Variants in EGFLAM observed in about 807,000 individuals in gnomAD.
The protein encoded by EGFLAM is EGF like, fibronectin type III and laminin G domains.
EGFLAM carries 79 observed loss-of-function variants against 113.1 expected under a neutral mutation model. That is an observed-to-expected ratio of 0.70 (90% CI 0.58 to 0.84). The LOEUF (loss-of-function observed/expected upper bound fraction) is 0.84. EGFLAM is among the 40% of genes least tolerant of loss of function. The probability of loss-of-function intolerance (pLI) is 0.00; values close to 1 mark genes in which losing one functional copy is unlikely to be tolerated. For missense variants in EGFLAM, 1,265 were observed against 1,291.6 expected, an observed-to-expected ratio of 0.98 and a Z score of 0.32; for synonymous variants, 504 against 487.6, an observed-to-expected ratio of 1.03 and a Z score of -0.44.
intron 1 of EGFLAM, among the ~76,000 whole-genome samples, chr5:38,287,898 C>T (rs1310611547): frequency 1.3e-5 from 2 of 152,148 alleles, no homozygotes; most frequent in Admixed American, 6.5e-5. Flanking sequence ...ATTTAATTAC[C>T]ATATGCCAGG....
chr5:38,326,669 T>A (rs2367217), intron 1 of EGFLAM, among the ~76,000 whole-genome samples: 6,580 of 151,322 alleles, frequency 0.043, 527 homozygotes, highest in African/African-American at 0.15. Flanking sequence ...TTTTTTGTAT[T>A]TTTTAGTAGA....
chr5:38,261,043 T>G (rs551131271), intron 1 of EGFLAM, among the ~76,000 whole-genome samples: 1 of 152,306 alleles, frequency 6.6e-6, no homozygotes, highest in South Asian at 2.1e-4. Context: ...CGGTTCTGTC[T>G]TATTTGGATG....
chr5:38,329,021 C>T (rs1038146526), intron 1 of EGFLAM, among the ~76,000 whole-genome samples: 1 of 152,008 alleles, frequency 6.6e-6, no homozygotes, highest in African/African-American at 2.4e-5. Flanking sequence ...GGCACAGTGG[C>T]TCATGCCGTA....
At chr5:38,384,294 A>C (rs1231484445) in intron 6 of EGFLAM, among the ~76,000 whole-genome samples, 1 of 152,202 alleles carries the variant, frequency 6.6e-6, no homozygotes, top group Non-Finnish European at 1.5e-5. Flanking sequence ...CCACCAGATT[A>C]TGTGACTCTC....
intron 11 of EGFLAM, among the ~76,000 whole-genome samples, chr5:38,417,797 G>A (rs1420865286): frequency 6.6e-6 from 1 of 152,124 alleles, no homozygotes; most frequent in Admixed American, 6.5e-5. Flanking sequence ...GGTGGGTGAG[G>A]CGTGTCTCTG....
At chr5:38,417,077 G>T (rs1741665258) in intron 11 of EGFLAM, among the ~76,000 whole-genome samples, 1 of 152,060 alleles carries the variant, frequency 6.6e-6, no homozygotes, top group Non-Finnish European at 1.5e-5. Context: ...GACCAGGCCG[G>T]GCGTGGTAGC....
Position 38,428,504 on chromosome 5 carries a change from T to C in EGFLAM, c.2054+1252T>C, listed in dbSNP as rs116614081. Among the ~76,000 whole-genome samples, 279 of 152,360 alleles carry C rather than the reference T, an allele frequency of 1.8e-3. 2 individuals carry two copies. Among genetic ancestry groups the C allele is most frequent in the Non-Finnish European group, 3.3e-3 (225 of 68,032 alleles). On this transcript the variant is annotated intron_variant, in intron 14 of 21. Transcript: ENST00000322350. ...GGATTTAATTGATTCAATTTACATA[T>C]GATTATGCAAAATAGCCTAAGCAAT...
At chr5:38,379,395 A>C (rs1402889095) in intron 6 of EGFLAM, among the ~76,000 whole-genome samples, 1 of 151,970 alleles carries the variant, frequency 6.6e-6, no homozygotes, top group Admixed American at 6.6e-5. Flanking sequence ...CACAGGAGAG[A>C]GTAAATGATG....
In EGFLAM at chr5:38,350,600, G is replaced by A. The variant is rs1301226044; in HGVS notation, c.391G>A (p.Val131Ile). The A allele has an allele frequency of 3.7e-6, 6 of 1,613,876 alleles. No individual in the cohort carries two copies. The African/African-American group carries it at 8.0e-5, about 22-fold the overall frequency. ...GKGRLSSPRH[V>I]TTLSQDSCLP... ...AGGGCGGCTGAGCTCTCCTCGGCAT[G>A]TCACCACTTTGTCCCAAGGTAAAGT... Residue 131 changes from valine (V) to isoleucine (I), a missense_variant, in exon 4 of 22, where the codon GTC becomes ATC. Coordinates refer to ENST00000322350, the MANE Select transcript of EGFLAM (RefSeq NM_152403.4).
intron 16 of EGFLAM, among the ~76,000 whole-genome samples, 171 bp downstream of exon 16, chr5:38,435,424 T>C (rs59336091): frequency 0.014 from 2,203 of 152,340 alleles, 44 homozygotes; most frequent in African/African-American, 0.051. Flanking sequence ...AACCTCACTT[T>C]CTTAGAACAT....
chr5:38,380,309 G>A (rs1056023154), intron 6 of EGFLAM, among the ~76,000 whole-genome samples: 1 of 152,160 alleles, frequency 6.6e-6, no homozygotes. Context: ...GAATCAATTA[G>A]CACATACTAA....
chr5:38,423,531 C>T (rs747019521), intron 12 of EGFLAM, among the ~76,000 whole-genome samples: 5 of 152,226 alleles, frequency 3.3e-5, no homozygotes, highest in Non-Finnish European at 7.3e-5. Context: ...GATCCCGCTT[C>T]TTCCTGTGGA....
At chr5:38,366,298 A>G (rs1368875626) in intron 5 of EGFLAM, among the ~76,000 whole-genome samples, 1 of 152,180 alleles carries the variant, frequency 6.6e-6, no homozygotes, top group Non-Finnish European at 1.5e-5. Context: ...ATTCAAATAC[A>G]GTTCTTGAAA....
chr5:38,268,811 A>T (rs2111706834), intron 1 of EGFLAM, among the ~76,000 whole-genome samples: 1 of 152,326 alleles, frequency 6.6e-6, no homozygotes, highest in East Asian at 1.9e-4. Context: ...GTTCAAAAAT[A>T]TGTATATGGG....
chr5:38,326,397 C>T (rs1030027326), intron 1 of EGFLAM, among the ~76,000 whole-genome samples: 1 of 152,186 alleles, frequency 6.6e-6, no homozygotes, highest in African/African-American at 2.4e-5. Flanking sequence ...TCAGGTCCTC[C>T]CTGATGGCAC....
At chr5:38,424,736 T>C (rs1009373705) in intron 12 of EGFLAM, among the ~76,000 whole-genome samples, 1 of 152,204 alleles carries the variant, frequency 6.6e-6, no homozygotes, top group African/African-American at 2.4e-5. Context: ...CCATCATGTT[T>C]TTTAAAGTCT....
At chr5:38,356,756 A>G (rs972441647) in intron 5 of EGFLAM, among the ~76,000 whole-genome samples, 1 of 152,148 alleles carries the variant, frequency 6.6e-6, no homozygotes, top group African/African-American at 2.4e-5. Context: ...AAATCAATCC[A>G]TTTGTAAACA....
chr5:38,438,264 T>C lies in EGFLAM; in HGVS notation c.2284-11T>C, dbSNP rs1427204021. 6 of 1,602,812 alleles carry C rather than the reference T, an allele frequency of 3.7e-6. No homozygotes were observed. Among genetic ancestry groups the C allele is most frequent in the Non-Finnish European group, 5.1e-6 (6 of 1,173,368 alleles). On this transcript the variant is annotated splice_polypyrimidine_tract_variant and intron_variant, in intron 16 of 21. Transcript: ENST00000322350. ...TAATTCCTGAATTTCTTTATGTTTT[T>C]CTCTCTCAAGATCATCCTGAATGAC... is the stretch of plus-strand genomic sequence containing the variant.
At chr5:38,437,836 A>G (rs1742397480) in intron 16 of EGFLAM, among the ~76,000 whole-genome samples, 1 of 152,170 alleles carries the variant, frequency 6.6e-6, no homozygotes, top group African/African-American at 2.4e-5. Flanking sequence ...ATGAAAGTAG[A>G]AACTAGGCCT....
Sources: gnomAD v4.1 joint callset for allele counts (sites outside exome capture counted in the v4.1 genomes callset) on GRCh38, gnomAD v4.1.1 for gene constraint, MANE v1.5 for transcripts, NCBI Gene and HGNC (gene_info 2026-07-23, HGNC 2026-07-21) for gene names.